Variants in SLIT2 observed in about 807,000 individuals in gnomAD.
The protein encoded by SLIT2 is slit guidance ligand 2, also known as slit homolog 2 protein.
Under a neutral mutation model 185.7 loss-of-function variants are expected in SLIT2, and 41 were observed. The observed-to-expected ratio is 0.22, with a 90% CI of 0.17 to 0.29. The LOEUF is 0.29. Ranked by LOEUF, SLIT2 falls within the 10% of genes least tolerant of loss-of-function variation. The pLI is 1.00. For missense variants in SLIT2, 1,571 were observed against 1,909.0 expected (o/e 0.82, Z 3.30); for synonymous variants, 693 against 680.2 (o/e 1.02, Z -0.29).
At chr4:20,489,648 G>A (rs1300070660) in intron 8 of SLIT2, among the ~76,000 whole-genome samples, 1 of 152,170 alleles carries the variant, frequency 6.6e-6, no homozygotes, top group Admixed American at 6.5e-5. Flanking sequence ...GCTGGGCATG[G>A]TGGTGCATGC....
intron 4 of SLIT2, among the ~76,000 whole-genome samples, chr4:20,381,517 T>A (rs948259003): frequency 6.6e-6 from 1 of 152,194 alleles, no homozygotes; most frequent in African/African-American, 2.4e-5. Context: ...TTCCCTTTTT[T>A]CATGTCTTCT....
At chr4:20,529,717 T>C (rs1721613680) in intron 16 of SLIT2, among the ~76,000 whole-genome samples, 1 of 152,210 alleles carries the variant, frequency 6.6e-6, no homozygotes, top group African/African-American at 2.4e-5. Context: ...CACTTACAGA[T>C]TCTATGCCCA....
intron 28 of SLIT2, 150 bp from the exon 29 acceptor site, chr4:20,568,715 T>G: frequency 9.1e-6 from 6 of 661,138 alleles, no homozygotes; most frequent in Non-Finnish European, 1.5e-5. Context: ...GTTTACAACA[T>G]GTCAGTTAAA....
At chr4:20,312,554 G>A (rs867462148) in intron 4 of SLIT2, among the ~76,000 whole-genome samples, 3 of 151,834 alleles carry the variant, frequency 2.0e-5, no homozygotes, top group Non-Finnish European at 1.5e-5. Flanking sequence ...CAGGCAGATC[G>A]TGAGGTCAGA....
chr4:20,285,309 C>T (rs1715157807), intron 4 of SLIT2, among the ~76,000 whole-genome samples: 1 of 152,138 alleles, frequency 6.6e-6, no homozygotes, highest in African/African-American at 2.4e-5. Flanking sequence ...CTGAGCCTGA[C>T]CTGATAGGCC....
intron 4 of SLIT2, among the ~76,000 whole-genome samples, chr4:20,298,699 A>G (rs1229537850): frequency 1.3e-5 from 2 of 152,262 alleles, no homozygotes; most frequent in Non-Finnish European, 2.9e-5. Flanking sequence ...AGCCCAAGAA[A>G]CACAATGAGG....
chr4:20,571,322 T>C (rs562766080), intron 29 of SLIT2, among the ~76,000 whole-genome samples: 1 of 152,274 alleles, frequency 6.6e-6, no homozygotes, highest in South Asian at 2.1e-4. Flanking sequence ...GTGCATGGCG[T>C]ACAGAACATG....
chr4:20,607,731 C>T (rs532397148), intron 33 of SLIT2, among the ~76,000 whole-genome samples: 41 of 152,098 alleles, frequency 2.7e-4, no homozygotes, highest in Non-Finnish European at 4.9e-4. Flanking sequence ...CAATATGTGA[C>T]CAAGAATCCA....
chr4:20,381,185 G>A (rs1724479082), intron 4 of SLIT2, among the ~76,000 whole-genome samples: 2 of 152,046 alleles, frequency 1.3e-5, no homozygotes, highest in African/African-American at 4.8e-5. Flanking sequence ...CCCGGGATTC[G>A]GAGGTTGCAG....
At chr4:20,507,191 C>A (rs1017546218) in intron 9 of SLIT2, among the ~76,000 whole-genome samples, 1 of 151,824 alleles carries the variant, frequency 6.6e-6, no homozygotes, top group African/African-American at 2.4e-5. Context: ...TTATAACTTT[C>A]TGAGTATGCA....
At chr4:20,348,314 T>A (rs1188815546) in intron 4 of SLIT2, among the ~76,000 whole-genome samples, 2 of 151,970 alleles carry the variant, frequency 1.3e-5, no homozygotes, top group African/African-American at 4.8e-5. Flanking sequence ...TCTTGGCTCA[T>A]TGCAACCTCC....
At chr4:20,446,174 C>T (rs1013574172) in intron 4 of SLIT2, among the ~76,000 whole-genome samples, 2 of 152,120 alleles carry the variant, frequency 1.3e-5, no homozygotes, top group Non-Finnish European at 2.9e-5. Flanking sequence ...AGTGGTTTGC[C>T]CACTTAAGGC....
At chr4:20,294,348 CA>C (rs34046519) in intron 4 of SLIT2, among the ~76,000 whole-genome samples, 371 of 123,386 alleles carry the variant, frequency 3.0e-3, no homozygotes, top group African/African-American at 5.5e-3. Flanking sequence ...GACTCTGTCT[CA>C]AAAAAAAAAA....
intron 4 of SLIT2, among the ~76,000 whole-genome samples, chr4:20,410,238 CTTTTCTTTTTTT>C (rs1727119714): frequency 9.5e-6 from 1 of 105,268 alleles, no homozygotes; most frequent in Admixed American, 9.3e-5. Flanking sequence ...TCTTTTCTTT[CTTTTCTTTTTTT>C]TTTTTTTTTT....
intron 4 of SLIT2, among the ~76,000 whole-genome samples, chr4:20,351,230 G>T (rs773392064): frequency 2.4e-4 from 37 of 152,000 alleles, no homozygotes; most frequent in Non-Finnish European, 3.7e-4. Flanking sequence ...TGTATTTTTA[G>T]TAGAAACGGA....
At chr4:20,601,075 A>G (rs1319760400) in intron 33 of SLIT2, among the ~76,000 whole-genome samples, 1 of 152,184 alleles carries the variant, frequency 6.6e-6, no homozygotes, top group African/African-American at 2.4e-5. Flanking sequence ...ATGTATTTGC[A>G]CAAAGAAAAA....
At chr4:20,469,557 C>A (rs1013147384) in intron 5 of SLIT2, among the ~76,000 whole-genome samples, 1 of 152,004 alleles carries the variant, frequency 6.6e-6, no homozygotes, top group Non-Finnish European at 1.5e-5. Context: ...GTTTTCAAAT[C>A]TTTTCTCCCC....
chr4:20,346,052 G>A (rs896431882), intron 4 of SLIT2, among the ~76,000 whole-genome samples: 17 of 152,180 alleles, frequency 1.1e-4, no homozygotes, highest in South Asian at 2.1e-4. Context: ...AGAGTGCAGC[G>A]GTATGACCAT....
Position 20,539,468 on chromosome 4 carries a change from T to A in SLIT2, c.1860T>A (p.Cys620Ter). 1 of 1,613,624 alleles carries A rather than the reference T, an allele frequency of 6.2e-7. No homozygotes were observed. Among genetic ancestry groups the A allele is most frequent in the Non-Finnish European group, 8.5e-7 (1 of 1,179,800 alleles). Reference sequence around the variant, plus strand: ...TGTTGAGAAGCAATCGAATAACCTGTGTGGGGAATGACAGTTTCATAGGAC... The same window carrying A: ...TGTTGAGAAGCAATCGAATAACCTGAGTGGGGAATGACAGTTTCATAGGAC... ...TLMLRSNRIT[C>*]VGNDSFIGLS... The change falls in exon 19 of 37, where the codon TGT becomes TGA. Residue 620 changes from cysteine to a stop codon, truncating the protein, a stop_gained. Transcript: ENST00000504154. LOFTEE classifies it high-confidence loss of function.
Sources: gnomAD v4.1 joint callset for allele counts (sites outside exome capture counted in the v4.1 genomes callset) on GRCh38, gnomAD v4.1.1 for gene constraint, MANE v1.5 for transcripts, NCBI Gene and HGNC (gene_info 2026-07-23, HGNC 2026-07-21) for gene names.